Variants in ZBTB20 observed in about 807,000 individuals in gnomAD.
The protein encoded by ZBTB20 is zinc finger and BTB domain containing 20.
ZBTB20 carries 9 observed loss-of-function variants against 56.9 expected under a neutral mutation model. The ratio of observed to expected loss-of-function variants is 0.16; its 90% CI spans 0.10 to 0.28. The LOEUF is 0.28. Ranked by LOEUF, ZBTB20 falls within the 10% of genes least tolerant of loss-of-function variation. The pLI is 1.00. For synonymous variants in ZBTB20, 417 were observed against 420.7 expected, an observed-to-expected ratio of 0.99 and a Z score of 0.11; for missense variants, 655 against 1,003.0, an observed-to-expected ratio of 0.65 and a Z score of 4.69.
chr3:114,645,791 T>C (rs906725898), intron 6 of ZBTB20, among the ~76,000 whole-genome samples: 2 of 152,324 alleles, frequency 1.3e-5, no homozygotes, highest in South Asian at 2.1e-4. Flanking sequence ...GATATTTCAT[T>C]AGACACAATT....
chr3:114,621,967 A>G (rs1026360825), intron 6 of ZBTB20, among the ~76,000 whole-genome samples: 2 of 152,308 alleles, frequency 1.3e-5, no homozygotes, highest in South Asian at 2.1e-4. Flanking sequence ...CTTAGCAACT[A>G]TAAGAAAAAT....
chr3:114,904,309 T>C (rs2075241051), intron 3 of ZBTB20: 1 of 151,814 alleles, frequency 6.6e-6, no homozygotes, highest in African/African-American at 2.4e-5. Context: ...TCACTTAGAG[T>C]ACTAACAAGG....
chr3:114,869,200 G>GA lies in ZBTB20; in HGVS notation c.-417+31103dup, dbSNP rs896844417. 7.6e-4 allele frequency among the ~76,000 whole-genome samples: 116 copies of GA among 151,904 alleles called. 2 individuals carry two copies. The highest frequency in any genetic ancestry group is 2.6e-3 in the African/African-American group (107 of 41,486). On this transcript the variant is annotated intron_variant, in intron 4 of 11. Coordinates refer to ENST00000675478, the MANE Select transcript of ZBTB20 (RefSeq NM_001348800.3). ...TGTTATGTAGCATAAATTCATGACA[G>GA]AAAAAAAATGATCCTCAAAACTCCT...
chr3:115,034,054 T>C (rs959690760), intron 2 of ZBTB20, among the ~76,000 whole-genome samples: 7 of 151,724 alleles, frequency 4.6e-5, no homozygotes, highest in South Asian at 4.1e-4. Flanking sequence ...CATCCTTTTA[T>C]AATAAAAATC....
In ZBTB20 at chr3:114,380,985, C is replaced by T. The variant is rs545343232; in HGVS notation, c.-153-45G>A. 1.6e-5 allele frequency: 6 copies of T among 379,606 alleles called. No homozygotes were observed. In the South Asian group the frequency reaches 6.2e-4, roughly 39 times the overall value. 23.5% of individuals were successfully genotyped at this position (379,606 alleles called of 1,614,324 possible). A position where few individuals can be genotyped will look rare whatever the true frequency, so the allele number is the denominator to read the frequency against. On this transcript the variant is annotated intron_variant, in intron 8 of 11. Coordinates refer to ENST00000675478, the MANE Select transcript of ZBTB20 (RefSeq NM_001348800.3). ...GATTAGAAGGCCTTAAAGGTTCCTT[C>T]CAACTTTAAATTTCTACTCATGGAC...
chr3:114,740,194 T>C (rs1295508014), intron 5 of ZBTB20, among the ~76,000 whole-genome samples: 3 of 152,206 alleles, frequency 2.0e-5, no homozygotes, highest in Admixed American at 2.0e-4. Context: ...CAAATGTATA[T>C]CAAAAAGTTG....
At chr3:114,407,305 G>A (rs1183607019) in intron 7 of ZBTB20, among the ~76,000 whole-genome samples, 1 of 152,164 alleles carries the variant, frequency 6.6e-6, no homozygotes, top group African/African-American at 2.4e-5. Flanking sequence ...TCTTTGCTCA[G>A]GGTTGTAACT....
intron 5 of ZBTB20, among the ~76,000 whole-genome samples, chr3:114,800,302 TTACCCTGGGC>T: frequency 6.6e-6 from 1 of 152,054 alleles, no homozygotes; most frequent in Admixed American, 6.6e-5. Flanking sequence ...TTCTGTTTTC[TTACCCTGGGC>T]GTCTGAATCT....
intron 2 of ZBTB20, among the ~76,000 whole-genome samples, chr3:115,064,324 G>C (rs2082123216): frequency 6.6e-6 from 1 of 151,910 alleles, no homozygotes; most frequent in Admixed American, 6.6e-5. Context: ...GAGAAAGCAA[G>C]TGTGGGGGTA....
At chr3:114,367,409 G>A (rs1469728341) in intron 10 of ZBTB20, among the ~76,000 whole-genome samples, 1 of 152,138 alleles carries the variant, frequency 6.6e-6, no homozygotes, top group African/African-American at 2.4e-5. Flanking sequence ...TGGACTACAA[G>A]TGCACACCAC....
Position 114,422,827 on chromosome 3 carries a change from T to A in ZBTB20, c.-254-33722A>T, listed in dbSNP as rs543898803. 1.6e-4 allele frequency among the ~76,000 whole-genome samples: 24 copies of A among 152,264 alleles called. No homozygotes were observed. In the South Asian group the frequency reaches 5.0e-3, roughly 32 times the overall value. ...CTGTGTGTTCTTATTTATTGATGGA[T>A]GAGATGAAATTATATCATAAGCTAC... On this transcript the variant is annotated intron_variant, in intron 7 of 11. Coordinates refer to ENST00000675478, the MANE Select transcript of ZBTB20 (RefSeq NM_001348800.3).
At chr3:114,957,695 C>A (rs1033197870) in intron 3 of ZBTB20, among the ~76,000 whole-genome samples, 7 of 152,184 alleles carry the variant, frequency 4.6e-5, no homozygotes, top group Non-Finnish European at 1.0e-4. Flanking sequence ...GACAACCACA[C>A]ATTTTAAATG....
intron 6 of ZBTB20, among the ~76,000 whole-genome samples, chr3:114,677,450 T>C (rs955785726): frequency 6.6e-6 from 1 of 152,088 alleles, no homozygotes; most frequent in Non-Finnish European, 1.5e-5. Context: ...TAGATTCTCA[T>C]TGGAGCACAA....
intron 4 of ZBTB20, among the ~76,000 whole-genome samples, chr3:114,832,920 C>T (rs1293572358): frequency 1.3e-5 from 2 of 152,084 alleles, no homozygotes; most frequent in African/African-American, 4.8e-5. Context: ...ATAACAGTAA[C>T]ACGGCCGTTA....
intron 2 of ZBTB20, among the ~76,000 whole-genome samples, chr3:114,989,887 G>T (rs1012638372): frequency 2.0e-5 from 3 of 152,150 alleles, no homozygotes; most frequent in Admixed American, 6.5e-5. Flanking sequence ...GTTCACTCAT[G>T]ATCTGGCTTT....
chr3:115,041,102 T>A (rs1430224369), intron 2 of ZBTB20, among the ~76,000 whole-genome samples: 2 of 152,142 alleles, frequency 1.3e-5, no homozygotes, highest in African/African-American at 4.8e-5. Flanking sequence ...ATTATAAAAA[T>A]ATTTGGATAA....
intron 5 of ZBTB20, among the ~76,000 whole-genome samples, chr3:114,769,599 T>C (rs944815811): frequency 8.0e-6 from 1 of 125,664 alleles, no homozygotes; most frequent in African/African-American, 3.7e-5. Flanking sequence ...ATATATATAA[T>C]GGAATACTAT....
intron 6 of ZBTB20, among the ~76,000 whole-genome samples, chr3:114,676,473 A>G (rs1284418159): frequency 1.3e-5 from 2 of 152,158 alleles, no homozygotes; most frequent in Non-Finnish European, 1.5e-5. Context: ...TTATCTCTTA[A>G]TAAATAGAAT....
intron 2 of ZBTB20, among the ~76,000 whole-genome samples, chr3:115,002,440 C>A (rs1576536240): frequency 6.6e-6 from 1 of 151,388 alleles, no homozygotes; most frequent in African/African-American, 2.4e-5. Context: ...AAAATATTTG[C>A]TAAACACATT....
Sources: gnomAD v4.1 joint callset for allele counts (sites outside exome capture counted in the v4.1 genomes callset) on GRCh38, gnomAD v4.1.1 for gene constraint, MANE v1.5 for transcripts, NCBI Gene and HGNC (gene_info 2026-07-23, HGNC 2026-07-21) for gene names.